The following ETF1 variants were observed in gnomAD, a reference collection of about 807,000 sequenced individuals.
The protein encoded by ETF1 is eukaryotic translation termination factor 1, also known as eukaryotic peptide chain release factor subunit 1.
In ETF1, 4 loss-of-function variants were observed where a neutral mutation model predicts 55.1. That is an observed-to-expected ratio of 0.07 (90% CI 0.04 to 0.17). ETF1 has a LOEUF of 0.17. Ranked by LOEUF, ETF1 falls within the 10% of genes least tolerant of loss-of-function variation. The pLI, the probability that ETF1 is intolerant of heterozygous loss-of-function variation, is 1.00. For missense variants in ETF1, 142 were observed against 523.6 expected, an observed-to-expected ratio of 0.27 and a Z score of 7.11; for synonymous variants, 157 against 182.3, an observed-to-expected ratio of 0.86 and a Z score of 1.12.
chr5:138,528,546 T>C (rs1561840971), intron 2 of ETF1, among the ~76,000 whole-genome samples: 1 of 152,190 alleles, frequency 6.6e-6, no homozygotes, highest in South Asian at 2.1e-4. Context: ...CTCAAAAGTG[T>C]AGCTTGCCTA....
Position 138,542,910 on chromosome 5 carries a change from G to A in ETF1, c.9C>T (p.Asp3=), listed in dbSNP as rs759587842. Residue 3 remains aspartate (D), a synonymous_variant, in exon 2 of 11, where the codon GAC becomes GAT. Coordinates refer to ENST00000360541, the MANE Select transcript of ETF1 (RefSeq NM_004730.4). ...CGTTCCTGTCGGCAGCACTGGGGTC[G>A]TCCGCCATCTTCTCGCCTCCTCCTC... is the stretch of plus-strand genomic sequence containing the variant. The part of the protein sequence containing the change: MA[D]DPSAADRNVE... 6.2e-7 allele frequency: 1 copy of A among 1,613,668 alleles called. No individual in the cohort carries two copies. The highest frequency in any genetic ancestry group is 8.5e-7 in the Non-Finnish European group (1 of 1,179,886).
rs879131322 is a variant in ETF1, at chr5:138,541,757, CT to C, written c.86+1075del. On this transcript the variant is annotated intron_variant, in intron 2 of 10. Coordinates refer to ENST00000360541, the MANE Select transcript of ETF1 (RefSeq NM_004730.4). ...CAAGTATGTAATAATGTTCCAAACA[CT>C]TTTTTTTGGGGGGGGGGGCACTTCC... is the stretch of plus-strand genomic sequence containing the variant. The C allele has an allele frequency of 2.3e-3, 1,157 of 504,100 alleles. 5 individuals are homozygous for C. Among genetic ancestry groups the C allele is most frequent in the Admixed American group, 4.7e-3 (66 of 14,114 alleles). The allele number at this position is 504,100 out of a possible 1,614,324, so 31.2% of individuals were successfully genotyped here. A position where few individuals can be genotyped will look rare whatever the true frequency, so the allele number is the denominator to read the frequency against.
intron 2 of ETF1, among the ~76,000 whole-genome samples, chr5:138,528,699 C>G (rs1765574451): frequency 1.3e-5 from 2 of 152,240 alleles, no homozygotes; most frequent in South Asian, 4.1e-4. Flanking sequence ...CTCCCCCTAC[C>G]TTCTATGGGG....
intron 2 of ETF1, among the ~76,000 whole-genome samples, chr5:138,539,193 A>C (rs1019681070): frequency 1.3e-5 from 2 of 152,190 alleles, no homozygotes; most frequent in African/African-American, 2.4e-5. Context: ...ACCCAAATTA[A>C]CACTGTCCAT....
intron 2 of ETF1, among the ~76,000 whole-genome samples, chr5:138,526,834 G>C (rs1765492908): frequency 6.6e-6 from 1 of 152,058 alleles, no homozygotes; most frequent in Non-Finnish European, 1.5e-5. Flanking sequence ...CTGAGGAGCT[G>C]AGACTACAGG....
At chr5:138,532,171 T>C (rs1437757503) in intron 2 of ETF1, among the ~76,000 whole-genome samples, 1 of 152,228 alleles carries the variant, frequency 6.6e-6, no homozygotes, top group East Asian at 1.9e-4. Flanking sequence ...CAATTTCTAC[T>C]CCATTTCCAA....
At chr5:138,529,176 AAAC>A (rs989956991) in intron 2 of ETF1, among the ~76,000 whole-genome samples, 4 of 151,240 alleles carry the variant, frequency 2.6e-5, no homozygotes, top group Non-Finnish European at 5.9e-5. Flanking sequence ...ACAAACAAAC[AAAC>A]AAAAAAAACA....
Position 138,514,633 on chromosome 5 carries a change from T to C in ETF1, c.403-927A>G, listed in dbSNP as rs574957677. 3.3e-5 allele frequency among the ~76,000 whole-genome samples: 5 copies of C among 151,824 alleles called. No individual in the cohort carries two copies. The South Asian group carries it at 8.3e-4, about 25-fold the overall frequency. On this transcript the variant is annotated intron_variant, in intron 4 of 10. Transcript: ENST00000360541. ...CCAGGCTGGAGTGCAGTAGCCATCATAGCTCACTGCAGCCTCGAAGTCTTG... is the reference window on the plus strand; with the variant it reads ...CCAGGCTGGAGTGCAGTAGCCATCACAGCTCACTGCAGCCTCGAAGTCTTG...
Position 138,510,600 on chromosome 5 carries a change from G to C in ETF1, c.1048C>G (p.Gln350Glu), listed in dbSNP as rs1239443762. ...EEKILYLTPEQEKDKSHFTDK... is the reference protein window; with the variant it reads ...EEKILYLTPEEEKDKSHFTDK... The stretch of plus-strand genomic sequence containing the variant: ...GTGAAATGAGATTTATCCTTTTCTT[G>C]CTCTGGAGTTAGATAGAGAATTTTC... Residue 350 changes from glutamine to glutamate, a missense_variant, in exon 9 of 11, where the codon CAA becomes GAA. Coordinates refer to ENST00000360541, the MANE Select transcript of ETF1 (RefSeq NM_004730.4). 3 of 1,611,908 alleles carry C rather than the reference G, an allele frequency of 1.9e-6. No homozygotes were observed. In the African/African-American group the frequency reaches 4.0e-5, roughly 22 times the overall value.
At chr5:138,532,268 G>A (rs951590071) in intron 2 of ETF1, among the ~76,000 whole-genome samples, 5 of 152,006 alleles carry the variant, frequency 3.3e-5, no homozygotes, top group Admixed American at 6.6e-5. Context: ...AACTAAGATG[G>A]TCTTTTTGAT....
At chr5:138,535,667 G>C (rs1765893150) in intron 2 of ETF1, among the ~76,000 whole-genome samples, 1 of 147,718 alleles carries the variant, frequency 6.8e-6, no homozygotes, top group Non-Finnish European at 1.5e-5. Context: ...GTTGCAGTGA[G>C]CTGAGATCAC....
Position 138,524,820 on chromosome 5 carries a change from C to T in ETF1, c.87-5953G>A, listed in dbSNP as rs561141133. ...CTTGATCTCCTGACTTCATGATCCG[C>T]CCGCCTTGGCCTCCCAAAGTGCTGG... On this transcript the variant is annotated intron_variant, in intron 2 of 10. Coordinates refer to ENST00000360541, the MANE Select transcript of ETF1 (RefSeq NM_004730.4). Among the ~76,000 whole-genome samples, 28 of 152,106 alleles carry T rather than the reference C, an allele frequency of 1.8e-4. No individual in the cohort carries two copies. The East Asian group carries it at 4.3e-3, about 23-fold the overall frequency.
At chr5:138,522,462 A>C (rs2127092429) in intron 2 of ETF1, among the ~76,000 whole-genome samples, 1 of 152,260 alleles carries the variant, frequency 6.6e-6, no homozygotes, top group African/African-American at 2.4e-5. Context: ...GAGTTTAAAC[A>C]CAGAGTTACC....
chr5:138,510,418 G>GTA, intron 9 of ETF1, 147 bp downstream of exon 9: 1 of 295,374 alleles, frequency 3.4e-6, no homozygotes, highest in South Asian at 4.0e-5. Context: ...AATCAGATTC[G>GTA]TATGTGGCAG....
chr5:138,541,442 G>T, intron 2 of ETF1: 1 of 1,045,946 alleles, frequency 9.6e-7, no homozygotes, highest in Non-Finnish European at 1.4e-6. Flanking sequence ...TCACTGAATG[G>T]GGCCAAACTT....
At chr5:138,511,389 TACACACACACACATACACACACACAC>T (rs1431728290) in intron 7 of ETF1, 60 bp downstream of exon 7, 2 of 1,411,896 alleles carry the variant, frequency 1.4e-6, no homozygotes, top group Non-Finnish European at 1.9e-6. Context: ...ATCACGTACA[TACACACACACACATACACACACACAC>T]ACACACACAC....
At chr5:138,534,292 T>C (rs541142976) in intron 2 of ETF1, among the ~76,000 whole-genome samples, 6 of 152,278 alleles carry the variant, frequency 3.9e-5, no homozygotes, top group South Asian at 2.1e-4. Flanking sequence ...TCTACAATGA[T>C]AGGCATTATT....
chr5:138,534,957 A>G (rs1048224737), intron 2 of ETF1, among the ~76,000 whole-genome samples: 6 of 147,356 alleles, frequency 4.1e-5, no homozygotes, highest in Non-Finnish European at 8.9e-5. Context: ...TCCTCAGAAA[A>G]CTAGTTTCTT....
intron 2 of ETF1, among the ~76,000 whole-genome samples, chr5:138,524,673 G>A (rs1288885636): frequency 6.6e-6 from 1 of 151,160 alleles, no homozygotes; most frequent in African/African-American, 2.4e-5. Flanking sequence ...TGCCTCCTGG[G>A]TTCAAGCAAT....
Sources: gnomAD v4.1 joint callset for allele counts (sites outside exome capture counted in the v4.1 genomes callset) on GRCh38, gnomAD v4.1.1 for gene constraint, MANE v1.5 for transcripts, NCBI Gene and HGNC (gene_info 2026-07-23, HGNC 2026-07-21) for gene names.